Variants in PRKG1 observed in about 807,000 individuals in gnomAD.
The protein encoded by PRKG1 is protein kinase cGMP-dependent 1.
In PRKG1, 35 loss-of-function variants were observed where a neutral mutation model predicts 88.1. The observed-to-expected ratio is 0.40, with a 90% CI of 0.30 to 0.53. PRKG1 has a LOEUF of 0.53. Ranked by LOEUF, PRKG1 falls within the 20% of genes least tolerant of loss-of-function variation. The pLI is 0.59. For missense variants in PRKG1, 540 were observed against 839.8 expected (o/e 0.64, Z 4.41); for synonymous variants, 303 against 292.5 (o/e 1.04, Z -0.37).
In PRKG1 at chr10:51,892,974, TA is replaced by T. The variant is rs1425862975; in HGVS notation, c.699-14528del. Among the ~76,000 whole-genome samples, 7 of 152,308 alleles carry T rather than the reference TA, an allele frequency of 4.6e-5. No homozygotes were observed. In the East Asian group the frequency reaches 1.4e-3, roughly 29 times the overall value. ...ACCAGATGTAATTTATTTAATTCCA[TA>T]AAAATGTATATGATTTTATTTTTGA... On this transcript the variant is annotated intron_variant, in intron 4 of 17. Coordinates refer to ENST00000373980, the MANE Select transcript of PRKG1 (RefSeq NM_006258.4).
rs577888355 is a variant in PRKG1 at position 50,993,729 on chromosome 10, G to A, written c.266+2085G>A. 3.9e-5 allele frequency among the ~76,000 whole-genome samples: 6 copies of A among 152,350 alleles called. No individual in the cohort carries two copies. In the South Asian group the frequency reaches 1.0e-3, roughly 26 times the overall value. On this transcript the variant is annotated intron_variant, in intron 1 of 17. Coordinates refer to the PRKG1 transcript ENST00000401604. ...AGGAGATTTCACCAGGATATGGAGGGGACAGGAGAAAAGCCCTCCTTCCCA... is the reference window on the plus strand; with the variant it reads ...AGGAGATTTCACCAGGATATGGAGGAGACAGGAGAAAAGCCCTCCTTCCCA...
Position 51,950,259 on chromosome 10 carries a change from G to T in PRKG1, c.762+42689G>T, listed in dbSNP as rs1398975829. On this transcript the variant is annotated intron_variant, in intron 5 of 17. Transcript: ENST00000373980. ...TCTCTTTTATGTATAATTAAACCCT[G>T]CAAAATATTTCTTCTTGACAATTAA... is the stretch of plus-strand genomic sequence containing the variant. Among the ~76,000 whole-genome samples the T allele has an allele frequency of 3.9e-5, 6 of 152,186 alleles. No homozygotes were observed. The East Asian group carries it at 9.7e-4, about 25-fold the overall frequency.
Position 51,873,872 on chromosome 10 carries a change from G to A in PRKG1, c.699-33635G>A, listed in dbSNP as rs535920088. Reference sequence around the variant, plus strand: ...AGCCAAAACATTAGAAATGTTTTCCGTAAGTATTGACCAATTTATGATCTT... The same window carrying A: ...AGCCAAAACATTAGAAATGTTTTCCATAAGTATTGACCAATTTATGATCTT... On this transcript the variant is annotated intron_variant, in intron 4 of 17. Transcript: ENST00000373980. Among the ~76,000 whole-genome samples, 15 of 152,264 alleles carry A rather than the reference G, an allele frequency of 9.9e-5. No individual in the cohort carries two copies. The East Asian group carries it at 1.5e-3, about 16-fold the overall frequency.
rs1589290576 is a variant in PRKG1 at position 51,791,940 on chromosome 10, A to G, written c.593-12645A>G. Among the ~76,000 whole-genome samples, 3 of 152,276 alleles carry G rather than the reference A, an allele frequency of 2.0e-5. No homozygotes were observed. The South Asian group carries it at 6.2e-4, about 32-fold the overall frequency. On this transcript the variant is annotated intron_variant, in intron 3 of 17. Coordinates refer to ENST00000373980, the MANE Select transcript of PRKG1 (RefSeq NM_006258.4). ...TGAAATATGTTATGTTTAAGGGATT[A>G]TGGGAGATGAAGCTAGGAAGATACT...
intron 3 of PRKG1, among the ~76,000 whole-genome samples, chr10:51,704,417 G>C (rs1003827925): frequency 6.6e-6 from 1 of 152,128 alleles, no homozygotes; most frequent in Non-Finnish European, 1.5e-5. Context: ...CAAGGACGGA[G>C]CCTGTGGCAT....
At chr10:51,944,872 C>T (rs539629410) in intron 5 of PRKG1, among the ~76,000 whole-genome samples, 96 of 151,880 alleles carry the variant, frequency 6.3e-4, no homozygotes, top group African/African-American at 2.2e-3. Context: ...GCTTTACTTC[C>T]AAGTATGTGG....
At chr10:51,405,029 C>A (rs1837868400) in intron 2 of PRKG1, among the ~76,000 whole-genome samples, 1 of 152,160 alleles carries the variant, frequency 6.6e-6, no homozygotes, top group Non-Finnish European at 1.5e-5. Context: ...ATTATGAAGC[C>A]TTCCTAAAAG....
intron 7 of PRKG1, among the ~76,000 whole-genome samples, chr10:52,100,045 A>T (rs12776375): frequency 2.0e-5 from 3 of 152,088 alleles, no homozygotes; most frequent in Admixed American, 6.6e-5. Flanking sequence ...AGATTTCGTA[A>T]GCCAAAAATG....
chr10:51,468,865 A>G (rs1041582761), intron 3 of PRKG1, among the ~76,000 whole-genome samples: 3 of 151,636 alleles, frequency 2.0e-5, no homozygotes, highest in Non-Finnish European at 4.4e-5. Flanking sequence ...TAAAAAAAAC[A>G]TAAGAATGCA....
intron 3 of PRKG1, among the ~76,000 whole-genome samples, chr10:51,630,152 G>C (rs1839486803): frequency 6.6e-6 from 1 of 152,182 alleles, no homozygotes; most frequent in Non-Finnish European, 1.5e-5. Flanking sequence ...TGGAGCAGCT[G>C]TCGTGACTCA....
chr10:52,155,543 T>C (rs757734223), intron 8 of PRKG1, among the ~76,000 whole-genome samples: 1 of 152,000 alleles, frequency 6.6e-6, no homozygotes, highest in African/African-American at 2.4e-5. Flanking sequence ...GGTTATAGTA[T>C]AAGCACAGAC....
intron 3 of PRKG1, among the ~76,000 whole-genome samples, chr10:51,559,947 A>G (rs137957311): frequency 6.8e-4 from 103 of 152,258 alleles, no homozygotes; most frequent in African/African-American, 2.3e-3. Context: ...ACTCATTTGC[A>G]TATGGTCTAC....
intron 2 of PRKG1, among the ~76,000 whole-genome samples, chr10:51,328,794 C>G (rs1361899916): frequency 6.6e-6 from 1 of 152,068 alleles, no homozygotes; most frequent in African/African-American, 2.4e-5. Flanking sequence ...TACCTGTTGG[C>G]CATTTGTTTG....
At chr10:51,506,965 G>A (rs1309484826) in intron 3 of PRKG1, among the ~76,000 whole-genome samples, 3 of 152,140 alleles carry the variant, frequency 2.0e-5, no homozygotes, top group African/African-American at 4.8e-5. Flanking sequence ...GGAATACTAT[G>A]CAGCCATAAA....
intron 3 of PRKG1, among the ~76,000 whole-genome samples, chr10:51,706,552 C>T (rs762299836): frequency 2.6e-5 from 4 of 151,644 alleles, no homozygotes; most frequent in African/African-American, 7.3e-5. Flanking sequence ...AAGAAAATGA[C>T]GCCCAGGAAA....
At chr10:52,004,764 A>C (rs1165567433) in intron 5 of PRKG1, among the ~76,000 whole-genome samples, 1 of 152,076 alleles carries the variant, frequency 6.6e-6, no homozygotes, top group Non-Finnish European at 1.5e-5. Flanking sequence ...TCTATTTTTG[A>C]AATTAAAATA....
At chr10:51,096,052 T>A (rs1844519486) in intron 1 of PRKG1, among the ~76,000 whole-genome samples, 2 of 152,186 alleles carry the variant, frequency 1.3e-5, no homozygotes. Flanking sequence ...TGTGTGTGTG[T>A]GATATTATTA....
Position 51,327,854 on chromosome 10 carries a change from A to T in PRKG1, c.479-139869A>T, listed in dbSNP as rs562794103. Among the ~76,000 whole-genome samples, 11 of 152,354 alleles carry T rather than the reference A, an allele frequency of 7.2e-5. 1 individual carries two copies. Among genetic ancestry groups the T allele is most frequent in the African/African-American group, 2.2e-4 (9 of 41,596 alleles). ...ATGATTCATCACTGACCGAAATATC[A>T]TTATGTGGCACATGACTGTATTTAC... On this transcript the variant is annotated intron_variant, in intron 2 of 17. Transcript: ENST00000373980.
At chr10:51,191,528 G>T (rs1837630445) in intron 2 of PRKG1, among the ~76,000 whole-genome samples, 1 of 151,732 alleles carries the variant, frequency 6.6e-6, no homozygotes, top group Non-Finnish European at 1.5e-5. Flanking sequence ...CATCCATTTT[G>T]TTTTCTAACT....
Sources: allele counts gnomAD v4.1 joint callset (sites outside exome capture counted in the v4.1 genomes callset), GRCh38; gene constraint gnomAD v4.1.1; transcripts MANE v1.5; gene names NCBI Gene and HGNC (gene_info 2026-07-23, HGNC 2026-07-21).